Variants in GPATCH2 observed in about 807,000 individuals in gnomAD.
GPATCH2 encodes G patch domain-containing protein 2.
In GPATCH2, 51 loss-of-function variants were observed where a neutral mutation model predicts 58.0. The observed-to-expected ratio is 0.88, with a 90% CI of 0.70 to 1.11. The LOEUF (loss-of-function observed/expected upper bound fraction) is 1.11, where lower values mean the gene tolerates loss of function less well. Ranked by LOEUF, GPATCH2 falls within the 50% of genes most tolerant of loss-of-function variation. The pLI, the probability that GPATCH2 is intolerant of heterozygous loss-of-function variation, is 0.00. For synonymous variants in GPATCH2, 222 were observed against 218.5 expected, an observed-to-expected ratio of 1.02 and a Z score of -0.14; for missense variants, 625 against 652.2, an observed-to-expected ratio of 0.96 and a Z score of 0.45.
chr1:217,431,222 T>A lies in GPATCH2; in HGVS notation c.1510A>T (p.Lys504Ter). The change falls in exon 10 of 10, where the codon AAG (lysine) becomes TAG (stop). Residue 504 changes from lysine to a stop codon, truncating the protein, a stop_gained. Transcript: ENST00000366935. LOFTEE classifies it high-confidence loss of function. The stretch of plus-strand genomic sequence containing the variant: ...AGAGGAAATCCAAGTCCTAATCCCT[T>A]TGGCCTCTGCATGGCTTGAATTGGC... ...SEPIQAMQRP[K>*]GLGLGFPLPK... 6.2e-7 allele frequency: 1 copy of A among 1,611,690 alleles called. No homozygotes were observed. Among genetic ancestry groups the A allele is most frequent in the Non-Finnish European group, 8.5e-7 (1 of 1,177,760 alleles).
intron 5 of GPATCH2, among the ~76,000 whole-genome samples, chr1:217,600,809 A>G (rs1353250643): frequency 1.3e-5 from 2 of 152,192 alleles, no homozygotes; most frequent in East Asian, 1.9e-4. Flanking sequence ...AGAGCATTTT[A>G]AAACAATTTT....
intron 5 of GPATCH2, among the ~76,000 whole-genome samples, chr1:217,603,688 T>A (rs955495409): frequency 6.6e-6 from 1 of 152,122 alleles, no homozygotes; most frequent in Admixed American, 6.6e-5. Context: ...AGTGGCATGA[T>A]CTCCGCTCAC....
chr1:217,487,427 T>C (rs1387539475), intron 8 of GPATCH2, among the ~76,000 whole-genome samples: 1 of 108,046 alleles, frequency 9.3e-6, no homozygotes, highest in Admixed American at 8.0e-5. Flanking sequence ...GAGTACTTCT[T>C]TTTTTTTTTT....
chr1:217,592,227 A>C (rs1385432049), intron 5 of GPATCH2, among the ~76,000 whole-genome samples: 1 of 151,974 alleles, frequency 6.6e-6, no homozygotes, highest in Non-Finnish European at 1.5e-5. Context: ...TAGCAACTAC[A>C]TCAATTTGCC....
In GPATCH2 at chr1:217,431,380, C is replaced by T. The variant is rs199647200; in HGVS notation, c.1367-15G>A. On this transcript the variant is annotated splice_polypyrimidine_tract_variant and intron_variant, in intron 9 of 9. Transcript: ENST00000366935. ...ACCTACAAATCCTGAAATGATAAAA[C>T]AACAGCACACATTAATCAGTATGAA... The T allele has an allele frequency of 7.8e-7, 1 of 1,279,462 alleles. No individual in the cohort carries two copies. Among genetic ancestry groups the T allele is most frequent in the South Asian group, 1.2e-5 (1 of 84,250 alleles). The allele number at this position is 1,279,462 out of a possible 1,614,324, so 79.3% of individuals were successfully genotyped here.
At chr1:217,473,578 G>A (rs1660836428) in intron 8 of GPATCH2, among the ~76,000 whole-genome samples, 1 of 151,770 alleles carries the variant, frequency 6.6e-6, no homozygotes, top group Non-Finnish European at 1.5e-5. Flanking sequence ...AGATAGATAA[G>A]AGGCAATAAA....
Position 217,430,781 on chromosome 1 carries a change from C to A in GPATCH2, c.*364G>T. ...TTTCCTGTCTATTCCATTTTAGAAA[C>A]TGGTGGGTGTGCTCACGTTTGTCTG... On this transcript the variant is annotated 3_prime_UTR_variant, in exon 10 of 10. Coordinates refer to ENST00000366935, the MANE Select transcript of GPATCH2 (RefSeq NM_018040.5). The A allele has an allele frequency of 4.5e-6, 1 of 224,518 alleles. No homozygotes were observed. Among genetic ancestry groups the A allele is most frequent in the African/African-American group, 2.3e-5 (1 of 43,674 alleles). The allele number at this position is 224,518 out of a possible 1,614,324, so 13.9% of individuals were successfully genotyped here. A position where few individuals can be genotyped will look rare whatever the true frequency, so the allele number is the denominator to read the frequency against.
chr1:217,514,983 T>G, intron 5 of GPATCH2, 94 bp from the exon 6 acceptor site: 1 of 683,652 alleles, frequency 1.5e-6, no homozygotes. Context: ...GACATCACTC[T>G]AAAATGGAGA....
At chr1:217,557,090 TTC>T (rs1166906921) in intron 5 of GPATCH2, among the ~76,000 whole-genome samples, 1 of 152,028 alleles carries the variant, frequency 6.6e-6, no homozygotes, top group Non-Finnish European at 1.5e-5. Context: ...TGTGTGCTGT[TTC>T]TCTCTCTTTA....
chr1:217,559,619 A>G (rs933589150), intron 5 of GPATCH2, among the ~76,000 whole-genome samples: 3 of 152,204 alleles, frequency 2.0e-5, no homozygotes. Context: ...AAAGCAGGCA[A>G]GGTGAAAGCA....
intron 8 of GPATCH2, among the ~76,000 whole-genome samples, chr1:217,468,372 C>G (rs1660556179): frequency 2.0e-5 from 3 of 151,972 alleles, no homozygotes; most frequent in Admixed American, 2.0e-4. Flanking sequence ...ATGTAAATAC[C>G]AATTACAGGA....
intron 6 of GPATCH2, among the ~76,000 whole-genome samples, chr1:217,502,806 A>C (rs965759870): frequency 6.6e-6 from 1 of 152,154 alleles, no homozygotes; most frequent in Non-Finnish European, 1.5e-5. Context: ...TCATATTAGT[A>C]AATTTCTGAA....
intron 5 of GPATCH2, among the ~76,000 whole-genome samples, chr1:217,523,841 C>T (rs554362079): frequency 2.1e-5 from 3 of 145,642 alleles, no homozygotes; most frequent in African/African-American, 7.7e-5. Flanking sequence ...GGTGGCTGGC[C>T]GGGCGGGGGG....
At chr1:217,616,646 C>G (rs1276244008) in intron 2 of GPATCH2, among the ~76,000 whole-genome samples, 1 of 152,132 alleles carries the variant, frequency 6.6e-6, no homozygotes, top group African/African-American at 2.4e-5. Flanking sequence ...TAAATCAGAA[C>G]AAGAACTTAA....
chr1:217,541,814 AG>A (rs1664757618), intron 5 of GPATCH2, among the ~76,000 whole-genome samples: 1 of 152,244 alleles, frequency 6.6e-6, no homozygotes, highest in Admixed American at 6.5e-5. Context: ...ATAATCTGAT[AG>A]GCAAGTTAAC....
intron 5 of GPATCH2, among the ~76,000 whole-genome samples, chr1:217,533,545 C>G (rs1664311025): frequency 6.6e-6 from 1 of 152,194 alleles, no homozygotes; most frequent in Non-Finnish European, 1.5e-5. Flanking sequence ...CGTGGTCATC[C>G]AAGTGTGGTT....
intron 5 of GPATCH2, among the ~76,000 whole-genome samples, chr1:217,568,262 T>C (rs1666357295): frequency 6.6e-6 from 1 of 152,202 alleles, no homozygotes; most frequent in Admixed American, 6.5e-5. Context: ...TATATACTTA[T>C]ATATTAAGTT....
intron 9 of GPATCH2, among the ~76,000 whole-genome samples, chr1:217,439,309 T>C (rs1019879440): frequency 2.0e-5 from 3 of 152,166 alleles, no homozygotes; most frequent in African/African-American, 7.2e-5. Flanking sequence ...AATAAGTTAT[T>C]TGAAACCAAT....
At chr1:217,474,471 A>G (rs1040911679) in intron 8 of GPATCH2, among the ~76,000 whole-genome samples, 2 of 152,258 alleles carry the variant, frequency 1.3e-5, no homozygotes, top group Non-Finnish European at 2.9e-5. Context: ...AATTGGACAT[A>G]AAGAAAACCA....
Sources: gnomAD v4.1 joint callset for allele counts (sites outside exome capture counted in the v4.1 genomes callset) on GRCh38, gnomAD v4.1.1 for gene constraint, MANE v1.5 for transcripts, NCBI Gene and HGNC (gene_info 2026-07-23, HGNC 2026-07-21) for gene names.